The following XKR6 variants were observed in gnomAD, a reference collection of about 807,000 sequenced individuals.
XKR6 encodes the protein XK related 6, also known as XK-related protein 6.
Under a neutral mutation model 56.7 loss-of-function variants are expected in XKR6, and 22 were observed. The ratio of observed to expected loss-of-function variants is 0.39; its 90% CI spans 0.28 to 0.55. The LOEUF (loss-of-function observed/expected upper bound fraction) is 0.55, where lower values mean the gene tolerates loss of function less well. Ranked by LOEUF, XKR6 falls within the 20% of genes least tolerant of loss-of-function variation. The probability of loss-of-function intolerance (pLI) is 0.66; values close to 1 mark genes in which losing one functional copy is unlikely to be tolerated. For missense variants in XKR6, 852 were observed against 889.0 expected, an observed-to-expected ratio of 0.96 and a Z score of 0.53; for synonymous variants, 524 against 387.8, an observed-to-expected ratio of 1.35 and a Z score of -4.13.
In XKR6 at chr8:11,100,208, A is replaced by G. The variant is rs190662240; in HGVS notation, c.764+100368T>C. On this transcript the variant is annotated intron_variant, in intron 1 of 2. Coordinates refer to ENST00000416569, the MANE Select transcript of XKR6 (RefSeq NM_173683.4). ...GCTGGGACTACAGGCATAAGCCATC[A>G]TGCCGAGCTAATTTTCCGTATTTTT... Among the ~76,000 whole-genome samples, 8 of 152,196 alleles carry G rather than the reference A, an allele frequency of 5.3e-5. No individual in the cohort carries two copies. In the East Asian group the frequency reaches 1.2e-3, roughly 22 times the overall value.
At chr8:11,011,108 C>T (rs914518362) in intron 1 of XKR6, among the ~76,000 whole-genome samples, 5 of 152,270 alleles carry the variant, frequency 3.3e-5, no homozygotes, top group Non-Finnish European at 5.9e-5. Flanking sequence ...TGAAGTCCTA[C>T]AGCAGTCATC....
chr8:11,035,352 C>A (rs1799113976), intron 1 of XKR6: 1 of 534,072 alleles, frequency 1.9e-6, no homozygotes, highest in Non-Finnish European at 3.9e-6. Flanking sequence ...ATGCAGGAGC[C>A]AGGAGATCAA....
At chr8:11,042,764 T>A (rs959358861) in intron 1 of XKR6, among the ~76,000 whole-genome samples, 5 of 151,754 alleles carry the variant, frequency 3.3e-5, no homozygotes, top group African/African-American at 4.9e-5. Context: ...GATTTCGGAT[T>A]TTCCCAGATC....
intron 1 of XKR6, among the ~76,000 whole-genome samples, chr8:11,061,955 C>G (rs182250019): frequency 3.3e-3 from 510 of 152,292 alleles, no homozygotes; most frequent in Middle Eastern, 6.8e-3. Flanking sequence ...GCTGGCCCTG[C>G]TCCTCCCTCC....
intron 1 of XKR6, among the ~76,000 whole-genome samples, chr8:10,996,308 G>T (rs1320577973): frequency 6.6e-6 from 1 of 152,120 alleles, no homozygotes; most frequent in Non-Finnish European, 1.5e-5. Context: ...CAAAAGCTCT[G>T]GCGGGCCCTC....
At chr8:10,983,955 T>A (rs771134180) in intron 1 of XKR6, among the ~76,000 whole-genome samples, 1 of 152,104 alleles carries the variant, frequency 6.6e-6, no homozygotes, top group Non-Finnish European at 1.5e-5. Context: ...GCGCCCGGCC[T>A]TACATATTCT....
intron 1 of XKR6, among the ~76,000 whole-genome samples, chr8:11,150,193 CAAT>C (rs571177802): frequency 1.0e-3 from 152 of 152,186 alleles, no homozygotes; most frequent in Middle Eastern, 3.4e-3. Context: ...TAGTTAACAA[CAAT>C]GTTTTGTGTA....
chr8:10,930,867 C>G (rs539465499), intron 1 of XKR6, among the ~76,000 whole-genome samples: 2 of 152,294 alleles, frequency 1.3e-5, no homozygotes, highest in African/African-American at 4.8e-5. Flanking sequence ...AGATCAAGAA[C>G]AGGGTTATGA....
intron 2 of XKR6, among the ~76,000 whole-genome samples, chr8:10,915,518 T>TC (rs1225803957): frequency 6.8e-6 from 1 of 147,644 alleles, no homozygotes; most frequent in East Asian, 1.9e-4. Context: ...TTTTTTTTTT[T>TC]CTGCTGCTTT....
rs560777828 is a variant in XKR6, at chr8:10,964,472, C to G, written c.765-39642G>C. 7.4e-4 allele frequency among the ~76,000 whole-genome samples: 112 copies of G among 152,330 alleles called. 2 individuals are homozygous for G. The highest frequency in any genetic ancestry group is 5.9e-4 in the Non-Finnish European group (40 of 68,028). ...GATTTCCCACATTCAGCACTTGAAA[C>G]AACCATGACACACATCATTCTCCAA... On this transcript the variant is annotated intron_variant, in intron 1 of 2. Coordinates refer to ENST00000416569, the MANE Select transcript of XKR6 (RefSeq NM_173683.4).
chr8:11,085,584 C>T (rs1056736877), intron 1 of XKR6, among the ~76,000 whole-genome samples: 16 of 152,080 alleles, frequency 1.1e-4, no homozygotes, highest in Admixed American at 3.9e-4. Context: ...CACTGCTGGA[C>T]GAGGAGGGGG....
At chr8:11,183,424 T>A (rs1803102096) in intron 1 of XKR6, among the ~76,000 whole-genome samples, 1 of 151,922 alleles carries the variant, frequency 6.6e-6, no homozygotes, top group African/African-American at 2.4e-5. Flanking sequence ...GTGATTCTCT[T>A]CCTTAGCCTC....
chr8:11,041,961 G>A (rs1563099314), intron 1 of XKR6, among the ~76,000 whole-genome samples: 1 of 152,092 alleles, frequency 6.6e-6, no homozygotes, highest in Non-Finnish European at 1.5e-5. Context: ...TCATTGTACT[G>A]TATATATATA....
rs112650885 is a variant in XKR6, at chr8:10,904,063, C to G, written c.962-5147G>C. On this transcript the variant is annotated intron_variant, in intron 2 of 2. Coordinates refer to ENST00000416569, the MANE Select transcript of XKR6 (RefSeq NM_173683.4). ...TCCTGGACAGGCCTGGCAGCCTCCACGGTTCCCTTCCGCTTCCAGCTCCAT... is the reference window on the plus strand; with the variant it reads ...TCCTGGACAGGCCTGGCAGCCTCCAGGGTTCCCTTCCGCTTCCAGCTCCAT... Among the ~76,000 whole-genome samples the G allele has an allele frequency of 3.6e-3, 544 of 152,314 alleles. 6 individuals carry two copies. The highest frequency in any genetic ancestry group is 0.012 in the African/African-American group (496 of 41,564).
chr8:11,179,720 AC>A (rs1295933934), intron 1 of XKR6, among the ~76,000 whole-genome samples: 19 of 152,170 alleles, frequency 1.2e-4, no homozygotes, highest in Non-Finnish European at 1.9e-4. Flanking sequence ...CTGTTTGTTC[AC>A]CCAGAAAGAT....
intron 2 of XKR6, among the ~76,000 whole-genome samples, chr8:10,921,384 C>T (rs952774704): frequency 6.6e-6 from 1 of 152,228 alleles, no homozygotes; most frequent in African/African-American, 2.4e-5. Context: ...CCCAGCAGGT[C>T]TGGCCCATGG....
At chr8:11,094,648 G>A (rs551704512) in intron 1 of XKR6, among the ~76,000 whole-genome samples, 51 of 152,194 alleles carry the variant, frequency 3.4e-4, no homozygotes, top group South Asian at 2.1e-3. Context: ...TGGTGGGACC[G>A]ACATCGATGG....
intron 1 of XKR6, among the ~76,000 whole-genome samples, chr8:11,038,433 G>A (rs753999362): frequency 1.3e-5 from 2 of 151,454 alleles, no homozygotes; most frequent in Admixed American, 6.6e-5. Flanking sequence ...GGAGAGGCAC[G>A]AATAAATTGT....
intron 2 of XKR6, among the ~76,000 whole-genome samples, chr8:10,922,304 C>A (rs1478116780): frequency 1.3e-5 from 2 of 152,222 alleles, no homozygotes; most frequent in African/African-American, 4.8e-5. Flanking sequence ...CAAATCTGCC[C>A]ATGAGAGCAC....
Sources: allele counts gnomAD v4.1 joint callset (sites outside exome capture counted in the v4.1 genomes callset), GRCh38; gene constraint gnomAD v4.1.1; transcripts MANE v1.5; gene names NCBI Gene and HGNC (gene_info 2026-07-23, HGNC 2026-07-21).